Variants in LAMA3 observed in about 807,000 individuals in gnomAD.
LAMA3 encodes laminin subunit alpha-3.
In LAMA3, 281 loss-of-function variants were observed where a neutral mutation model predicts 402.0. The ratio of observed to expected loss-of-function variants is 0.70; its 90% CI spans 0.63 to 0.77. LAMA3 has a LOEUF of 0.77. Among genes scored for constraint, LAMA3 ranks in the 30% least tolerant of loss-of-function variants. The pLI, the probability that LAMA3 is intolerant of heterozygous loss-of-function variation, is 0.00. For synonymous variants in LAMA3, 1,431 were observed against 1,558.4 expected (o/e 0.92, Z 1.93); for missense variants, 3,840 against 4,215.5 (o/e 0.91, Z 2.47).
chr18:23,828,706 C>CTA (rs1393915697), intron 23 of LAMA3, among the ~76,000 whole-genome samples: 1 of 152,176 alleles, frequency 6.6e-6, no homozygotes, highest in Non-Finnish European at 1.5e-5. Flanking sequence ...TAACCCAGAG[C>CTA]TATAGCACAG....
At chr18:23,822,920 G>T (rs34511347) in intron 20 of LAMA3, among the ~76,000 whole-genome samples, 1 of 152,016 alleles carries the variant, frequency 6.6e-6, no homozygotes, top group South Asian at 2.1e-4. Flanking sequence ...GCACAGCCTC[G>T]CCACAGGCAG....
In LAMA3 at chr18:23,819,919, A is replaced by G; in HGVS notation, c.2226A>G (p.Arg742=). 6.2e-7 allele frequency: 1 copy of G among 1,614,112 alleles called. No individual in the cohort carries two copies. Among genetic ancestry groups the G allele is most frequent in the South Asian group, 1.1e-5 (1 of 91,080 alleles). ...AAGACGGCAGCACACCTAATGGGAG[A>G]GACCTTCGATTTGGATTTGATCCGC... ...EIEDGSTPNG[R]DLRFGFDPLA... The change falls in exon 19 of 75, where the codon AGA becomes AGG. Residue 742 remains arginine, a synonymous_variant. Transcript: ENST00000313654.
At chr18:23,724,173 C>T (rs2061259093) in intron 2 of LAMA3, among the ~76,000 whole-genome samples, 1 of 152,196 alleles carries the variant, frequency 6.6e-6, no homozygotes, top group Non-Finnish European at 1.5e-5. Flanking sequence ...GAATAATAGT[C>T]TCCAATCCCA....
At chr18:23,751,165 T>A (rs2061746117) in intron 5 of LAMA3, 77 bp downstream of exon 5, 1 of 1,391,886 alleles carries the variant, frequency 7.2e-7, no homozygotes, top group African/African-American at 1.4e-5. Context: ...CCTTGAACTC[T>A]TTTAAGTAAC....
At chr18:23,889,908 T>C in intron 41 of LAMA3, 103 bp from the exon 42 acceptor site, 3 of 859,092 alleles carry the variant, frequency 3.5e-6, no homozygotes, top group Non-Finnish European at 4.1e-6. Context: ...CTTCCACCCA[T>C]TGGGTTACAA....
chr18:23,857,801 T>C (rs773002333), intron 32 of LAMA3, 43 bp from the exon 33 acceptor site: 1 of 1,613,942 alleles, frequency 6.2e-7, no homozygotes, highest in Non-Finnish European at 8.5e-7. Flanking sequence ...TAAAATTGTG[T>C]GTACAAAGAT....
At chr18:23,885,992 A>G (rs1281166399) in intron 41 of LAMA3, among the ~76,000 whole-genome samples, 1 of 152,126 alleles carries the variant, frequency 6.6e-6, no homozygotes, top group South Asian at 2.1e-4. Flanking sequence ...ATCTAATACT[A>G]TGTTAGTAAT....
intron 40 of LAMA3, among the ~76,000 whole-genome samples, chr18:23,882,688 C>T (rs2064941137): frequency 6.6e-6 from 1 of 151,552 alleles, no homozygotes; most frequent in Admixed American, 6.6e-5. Context: ...TCCCTCTTTT[C>T]TTTTACTGTT....
intron 69 of LAMA3, among the ~76,000 whole-genome samples, chr18:23,944,768 A>T (rs963452733): frequency 4.6e-5 from 7 of 152,208 alleles, no homozygotes; most frequent in Admixed American, 4.6e-4. Context: ...CAGAGCCCAG[A>T]TCATTTAAGC....
At chr18:23,951,179 C>A (rs2082894623) in intron 72 of LAMA3, among the ~76,000 whole-genome samples, 1 of 152,236 alleles carries the variant, frequency 6.6e-6, no homozygotes, top group East Asian at 1.9e-4. Flanking sequence ...ACAAAACAGA[C>A]TGCGTGCCTG....
In LAMA3 at chr18:23,689,958, G is replaced by A; in HGVS notation, c.275G>A (p.Gly92Asp). The A allele has an allele frequency of 1.3e-6, 2 of 1,516,676 alleles. No individual in the cohort carries two copies. Among genetic ancestry groups the A allele is most frequent in the African/African-American group, 2.8e-5 (2 of 70,518 alleles). 94.0% of individuals were successfully genotyped at this position (1,516,676 alleles called of 1,614,324 possible). ...CKLVGGPTAP[G>D]SGHTIQGQFC... ...TTGGTCGGGGGCCCCACCGCCCCAG[G>A]CAGCGGCCACACCATCCAGGTGAGG... The change falls in exon 1 of 75, where the codon GGC becomes GAC. Residue 92 changes from glycine to aspartate, a missense_variant. Physicochemically the swap from Gly to Asp is moderately conservative, Grantham distance 94. Around this residue, in one of 3 missense-constraint regions of LAMA3, gnomAD observed 2,109 missense variants for 2,376.0 expected, o/e 0.89. Coordinates refer to ENST00000313654, the MANE Select transcript of LAMA3 (RefSeq NM_198129.4).
chr18:23,883,908 A>G (rs1169654891), intron 40 of LAMA3, among the ~76,000 whole-genome samples: 3 of 152,338 alleles, frequency 2.0e-5, no homozygotes, highest in Admixed American at 6.5e-5. Flanking sequence ...CAATATTAAT[A>G]GTGCTGACCA....
chr18:23,772,285 C>T (rs1346361253), intron 8 of LAMA3, among the ~76,000 whole-genome samples: 1 of 152,130 alleles, frequency 6.6e-6, no homozygotes, highest in East Asian at 1.9e-4. Flanking sequence ...TGTGACCCAC[C>T]CACTTTGGCC....
At chr18:23,711,126 G>A (rs1290278598) in intron 1 of LAMA3, among the ~76,000 whole-genome samples, 1 of 152,168 alleles carries the variant, frequency 6.6e-6, no homozygotes, top group East Asian at 1.9e-4. Flanking sequence ...GAAATAAACA[G>A]AAAGTTTGAC....
chr18:23,830,976 A>G (rs532291565), intron 23 of LAMA3, among the ~76,000 whole-genome samples: 2 of 152,294 alleles, frequency 1.3e-5, no homozygotes, highest in East Asian at 3.9e-4. Flanking sequence ...GCTACCATCC[A>G]TCTAATTGCA....
intron 12 of LAMA3, among the ~76,000 whole-genome samples, chr18:23,808,331 AAT>A (rs1244993019): frequency 6.6e-6 from 1 of 152,090 alleles, no homozygotes; most frequent in African/African-American, 2.4e-5. Flanking sequence ...ATGCTACATA[AAT>A]AGTTATATTA....
At position 23,710,214 on chromosome 18, in the gene LAMA3, T is replaced by G. The variant is rs1026832878; in HGVS notation, c.295-3706T>G. The G allele has an allele frequency of 4.6e-6, 3 of 647,870 alleles. No homozygotes were observed. In the African/African-American group the frequency reaches 5.5e-5, roughly 12 times the overall value. 40.1% of individuals were successfully genotyped at this position (647,870 alleles called of 1,614,324 possible). ...GTGGACACCTTTAAACACTGCCTTCTTGGCCTTCAAAACCTTCGTTTTGGC... is the reference window on the plus strand; with the variant it reads ...GTGGACACCTTTAAACACTGCCTTCGTGGCCTTCAAAACCTTCGTTTTGGC... On this transcript the variant is annotated intron_variant, in intron 1 of 74. Coordinates refer to ENST00000313654, the MANE Select transcript of LAMA3 (RefSeq NM_198129.4).
rs786204732 is a variant in LAMA3 at position 23,921,587 on chromosome 18, T to G, written c.8177+2T>G. ...AATTCCAATTGCAATCAGGGAAAGG[T>G]AAGATGATTTTTTTAAAACGAGATT... On this transcript the variant is annotated splice_donor_variant, in intron 62 of 74. Transcript: ENST00000313654. LOFTEE classifies it high-confidence loss of function. 1.2e-5 allele frequency: 19 copies of G among 1,613,730 alleles called. No homozygotes were observed. Among genetic ancestry groups the G allele is most frequent in the Non-Finnish European group, 1.6e-5 (19 of 1,179,846 alleles).
At chr18:23,912,625 T>C (rs556287225) in intron 55 of LAMA3, 86 bp from the exon 56 acceptor site, 23 of 1,085,794 alleles carry the variant, frequency 2.1e-5, no homozygotes, top group South Asian at 7.5e-5. Context: ...GGCTGATACA[T>C]GGCTACGAGT....
Sources: gnomAD v4.1 joint callset for allele counts (sites outside exome capture counted in the v4.1 genomes callset) on GRCh38, gnomAD v4.1.1 for gene constraint, gnomAD v4.1.1 regional missense constraint, MANE v1.5 for transcripts, NCBI Gene and HGNC (gene_info 2026-07-23, HGNC 2026-07-21) for gene names.